The following CEP63 variants were observed in gnomAD, a reference collection of about 807,000 sequenced individuals.
CEP63 encodes centrosomal protein of 63 kDa.
CEP63 carries 84 observed loss-of-function variants against 89.1 expected under a neutral mutation model. The observed-to-expected ratio is 0.94, with a 90% CI of 0.79 to 1.13. The LOEUF (loss-of-function observed/expected upper bound fraction) is 1.13, where lower values mean the gene tolerates loss of function less well. CEP63 is among the 50% of genes most tolerant of loss of function. The probability of loss-of-function intolerance (pLI) is 0.00; values close to 1 mark genes in which losing one functional copy is unlikely to be tolerated. For synonymous variants in CEP63, 267 were observed against 272.5 expected (o/e 0.98, Z 0.20); for missense variants, 838 against 813.3 (o/e 1.03, Z -0.37).
the CEP63 span, among the ~76,000 whole-genome samples, chr3:134,713,437 A>G: frequency 6.6e-6 from 1 of 152,222 alleles, no homozygotes; most frequent in Admixed American, 6.5e-5. Flanking sequence ...CTACCTGGAC[A>G]TGATGCCAGG....
chr3:134,608,046 C>G, the CEP63 span: 1 of 1,066,400 alleles, frequency 9.4e-7, no homozygotes, highest in Admixed American at 4.9e-5. Context: ...CTAAGGAAGT[C>G]TGCCCCAACT....
the CEP63 span, among the ~76,000 whole-genome samples, chr3:134,670,462 A>C: frequency 2.0e-5 from 3 of 152,224 alleles, no homozygotes; most frequent in African/African-American, 7.2e-5. Context: ...AATGGAGAAA[A>C]TAAGGCAGTG....
At chr3:134,547,864 C>T (rs1953883126) in intron 9 of CEP63, among the ~76,000 whole-genome samples, 1 of 152,046 alleles carries the variant, frequency 6.6e-6, no homozygotes, top group Admixed American at 6.6e-5. Context: ...CTGCCTTGGC[C>T]TCCCAAAGTG....
the CEP63 span, chr3:134,755,647 T>G: frequency 6.6e-6 from 1 of 152,234 alleles, no homozygotes; most frequent in Non-Finnish European, 1.5e-5. Context: ...TCTTTCCCCA[T>G]CCCTCTTTCA....
chr3:134,569,755 C>A (rs1158324380), downstream of CEP63, among the ~76,000 whole-genome samples: 1 of 152,182 alleles, frequency 6.6e-6, no homozygotes, highest in Non-Finnish European at 1.5e-5. Flanking sequence ...CTAGTGGGGA[C>A]TCTGTGTGGG....
the CEP63 span, chr3:134,651,664 G>A: frequency 1.1e-6 from 1 of 940,668 alleles, no homozygotes; most frequent in South Asian, 4.9e-5. Flanking sequence ...TGCCCATTGA[G>A]TATCAAGCTA....
chr3:134,719,009 A>G, the CEP63 span, among the ~76,000 whole-genome samples: 1 of 152,210 alleles, frequency 6.6e-6, no homozygotes, highest in Admixed American at 6.5e-5. Flanking sequence ...ACCACTAGGT[A>G]TGAATTCTGT....
chr3:134,620,200 A>G, the CEP63 span, among the ~76,000 whole-genome samples: 3 of 152,102 alleles, frequency 2.0e-5, no homozygotes, highest in East Asian at 5.8e-4. Context: ...TCCTGTGGAG[A>G]GCTGTGGGCA....
intron 1 of CEP63, among the ~76,000 whole-genome samples, chr3:134,491,407 A>AT (rs996395272): frequency 2.6e-5 from 4 of 151,956 alleles, no homozygotes; most frequent in Non-Finnish European, 5.9e-5. Flanking sequence ...GTTTCTATAG[A>AT]TTTTTTGCCT....
the CEP63 span, among the ~76,000 whole-genome samples, chr3:134,758,002 A>T: frequency 1.9e-4 from 29 of 152,322 alleles, no homozygotes; most frequent in African/African-American, 7.0e-4. Flanking sequence ...CAAAGTGTTT[A>T]TCAGAATCTA....
chr3:134,534,165 C>T (rs1950345860), intron 5 of CEP63, among the ~76,000 whole-genome samples: 1 of 152,304 alleles, frequency 6.6e-6, no homozygotes, highest in East Asian at 1.9e-4. Flanking sequence ...CAGCACCCAG[C>T]TCACTGTCAA....
At chr3:134,633,366 C>T in the CEP63 span, among the ~76,000 whole-genome samples, 1 of 152,030 alleles carries the variant, frequency 6.6e-6, no homozygotes, top group African/African-American at 2.4e-5. Flanking sequence ...AATATTACAA[C>T]ATTAAATCCA....
At chr3:134,510,616 T>C in intron 3 of CEP63, 1 of 660,078 alleles carries the variant, frequency 1.5e-6, no homozygotes, top group South Asian at 1.5e-5. Flanking sequence ...GGTGGGAAAT[T>C]GGGAGGCGGG....
chr3:134,578,470 A>G (rs1486369168), downstream of CEP63, among the ~76,000 whole-genome samples: 1 of 151,764 alleles, frequency 6.6e-6, no homozygotes, highest in Non-Finnish European at 1.5e-5. Context: ...AGCTGGACCT[A>G]CAGGCATGCA....
At chr3:134,507,319 T>G (rs775081281) in intron 3 of CEP63, 33 bp downstream of exon 3, 17 of 1,482,138 alleles carry the variant, frequency 1.1e-5, no homozygotes, top group Admixed American at 1.0e-4. Flanking sequence ...CTTTTTGACA[T>G]TTTTATCTTG....
the CEP63 span, among the ~76,000 whole-genome samples, chr3:134,599,854 A>T: frequency 6.6e-6 from 1 of 152,180 alleles, no homozygotes; most frequent in Non-Finnish European, 1.5e-5. Context: ...ACATGAAAGC[A>T]TTTTTCCTGT....
the CEP63 span, chr3:134,610,402 G>T: frequency 2.8e-5 from 44 of 1,599,722 alleles, no homozygotes; most frequent in Non-Finnish European, 3.6e-5. Flanking sequence ...AGGACAGGGG[G>T]TCTGAGAGGG....
chr3:134,608,216 T>C, the CEP63 span: 10 of 1,185,340 alleles, frequency 8.4e-6, no homozygotes, highest in South Asian at 1.6e-4. Flanking sequence ...CAGTAGCTTC[T>C]GTTGGGGACC....
chr3:134,694,165 G>T, the CEP63 span, among the ~76,000 whole-genome samples: 1 of 152,188 alleles, frequency 6.6e-6, no homozygotes, highest in Admixed American at 6.5e-5. Flanking sequence ...GCCCCTTGAG[G>T]TTACTGGAGG....
Sources: allele counts gnomAD v4.1 joint callset (sites outside exome capture counted in the v4.1 genomes callset), GRCh38; gene constraint gnomAD v4.1.1; transcripts MANE v1.5; gene names NCBI Gene and HGNC (gene_info 2026-07-23, HGNC 2026-07-21).